Variants in KDM4C observed in about 807,000 individuals in gnomAD.
KDM4C encodes lysine-specific demethylase 4C.
In KDM4C, 81 loss-of-function variants were observed where a neutral mutation model predicts 129.3. The ratio of observed to expected loss-of-function variants is 0.63; its 90% CI spans 0.52 to 0.75. The LOEUF (loss-of-function observed/expected upper bound fraction) is 0.75, where lower values mean the gene tolerates loss of function less well. KDM4C is among the 30% of genes least tolerant of loss of function. KDM4C has a pLI of 0.00. For synonymous variants in KDM4C, 573 were observed against 456.1 expected (o/e 1.26, Z -3.26); for missense variants, 1,457 against 1,304.0 (o/e 1.12, Z -1.81).
intron 17 of KDM4C, among the ~76,000 whole-genome samples, chr9:7,089,974 T>C (rs138103599): frequency 3.3e-5 from 5 of 152,218 alleles, no homozygotes; most frequent in African/African-American, 9.7e-5. Flanking sequence ...TGCCTGCCCA[T>C]GCCAGTGCAT....
intron 4 of KDM4C, among the ~76,000 whole-genome samples, chr9:6,827,770 G>C (rs957880253): frequency 6.6e-6 from 1 of 152,252 alleles, no homozygotes; most frequent in African/African-American, 2.4e-5. Context: ...GACGCAGAGA[G>C]AGAGCTATTG....
At chr9:7,014,112 T>A in intron 14 of KDM4C, 111 bp downstream of exon 14, 3 of 771,044 alleles carry the variant, frequency 3.9e-6, no homozygotes, top group Non-Finnish European at 6.4e-6. Flanking sequence ...TTGGCATTCT[T>A]AATGGTTATA....
At chr9:6,728,817 G>A (rs1279348855) in intron 1 of KDM4C, among the ~76,000 whole-genome samples, 6 of 152,030 alleles carry the variant, frequency 3.9e-5, no homozygotes, top group Admixed American at 6.6e-5. Flanking sequence ...CCACACTCCA[G>A]CCTAGGTGAC....
rs1327010598 is a variant in KDM4C, at chr9:6,939,983, T to TTCCTTCCTTCCC, written c.922-40931_922-40930insCTCCTTCCTTCC. 7.1e-4 allele frequency among the ~76,000 whole-genome samples: 69 copies of TTCCTTCCTTCCC among 96,656 alleles called. No homozygotes were observed. The East Asian group carries it at 0.018, about 26-fold the overall frequency. 63.4% of individuals were successfully genotyped at this position (96,656 alleles called of 152,430 possible). A position where few individuals can be genotyped will look rare whatever the true frequency, so the allele number is the denominator to read the frequency against. ...CAACCTACCTACCTACCTACCTTCCTTCCTTCCTTCCTTCCTTCCTTCCTT... is the reference window on the plus strand; with the variant it reads ...CAACCTACCTACCTACCTACCTTCCTTCCTTCCTTCCCTCCTTCCTTCCTTCCTTCCTTCCTT... On this transcript the variant is annotated intron_variant, in intron 8 of 21. Coordinates refer to ENST00000381309, the MANE Select transcript of KDM4C (RefSeq NM_015061.6).
At chr9:7,061,181 C>T (rs190217986) in intron 17 of KDM4C, among the ~76,000 whole-genome samples, 2 of 152,116 alleles carry the variant, frequency 1.3e-5, no homozygotes, top group African/African-American at 4.8e-5. Flanking sequence ...CAGTAGTGTT[C>T]CATGTATTTT....
intron 1 of KDM4C, among the ~76,000 whole-genome samples, chr9:6,768,032 T>C (rs1820983436): frequency 6.6e-6 from 1 of 152,120 alleles, no homozygotes; most frequent in South Asian, 2.1e-4. Flanking sequence ...TATTAAAGGG[T>C]AAAATGTGTA....
chr9:7,079,289 A>G (rs114051108), intron 17 of KDM4C, among the ~76,000 whole-genome samples: 3 of 152,336 alleles, frequency 2.0e-5, no homozygotes, highest in African/African-American at 7.2e-5. Flanking sequence ...GAATAGCCCC[A>G]TTATATACAT....
chr9:6,836,142 T>C (rs1835830426), intron 4 of KDM4C, among the ~76,000 whole-genome samples: 1 of 152,040 alleles, frequency 6.6e-6, no homozygotes, highest in Non-Finnish European at 1.5e-5. Context: ...TGAGACCAGT[T>C]GAATAAAAGT....
At chr9:6,842,546 C>G (rs1837150821) in intron 4 of KDM4C, among the ~76,000 whole-genome samples, 1 of 151,892 alleles carries the variant, frequency 6.6e-6, no homozygotes, top group African/African-American at 2.4e-5. Flanking sequence ...ACCATGTTGA[C>G]CAGGGTAGTC....
chr9:7,006,387 G>T (rs764877137), intron 12 of KDM4C, among the ~76,000 whole-genome samples: 1 of 152,146 alleles, frequency 6.6e-6, no homozygotes, highest in Non-Finnish European at 1.5e-5. Flanking sequence ...TTGAGCATCA[G>T]AGGTGATACT....
At chr9:6,897,493 A>G (rs1253446310) in intron 8 of KDM4C, among the ~76,000 whole-genome samples, 1 of 152,202 alleles carries the variant, frequency 6.6e-6, no homozygotes, top group African/African-American at 2.4e-5. Flanking sequence ...AGCAGGAACA[A>G]CTGACCTAAG....
chr9:6,940,067 TTCTC>T (rs76741754), intron 8 of KDM4C, among the ~76,000 whole-genome samples: 30,937 of 136,892 alleles, frequency 0.23, 4,360 homozygotes, highest in South Asian at 0.36. Flanking sequence ...CCTTCCCTCC[TTCTC>T]TCTCTCTCTT....
intron 17 of KDM4C, among the ~76,000 whole-genome samples, chr9:7,059,480 G>C (rs1215985530): frequency 6.6e-6 from 1 of 152,174 alleles, no homozygotes; most frequent in Non-Finnish European, 1.5e-5. Context: ...ACAAATGCCT[G>C]ATAGACTAGT....
intron 8 of KDM4C, among the ~76,000 whole-genome samples, chr9:6,962,928 T>C (rs908396629): frequency 4.6e-5 from 7 of 152,214 alleles, no homozygotes; most frequent in Admixed American, 2.6e-4. Flanking sequence ...CTCAGACCTA[T>C]AAATATTTTA....
intron 17 of KDM4C, among the ~76,000 whole-genome samples, chr9:7,063,368 A>T (rs1344300297): frequency 1.3e-5 from 2 of 152,224 alleles, no homozygotes; most frequent in African/African-American, 2.4e-5. Context: ...CCCCATAAGA[A>T]CAAAGAGGTA....
chr9:6,769,418 C>T (rs186019257), intron 1 of KDM4C, among the ~76,000 whole-genome samples: 107 of 151,934 alleles, frequency 7.0e-4, no homozygotes, highest in African/African-American at 2.4e-3. Flanking sequence ...GATCTGGGTC[C>T]GGGATACAAA....
rs184546579 is a variant in KDM4C, at chr9:6,758,744, T to A, written c.-18+541T>A. Among the ~76,000 whole-genome samples, 1 of 152,336 alleles carries A rather than the reference T, an allele frequency of 6.6e-6. No homozygotes were observed. The highest frequency in any genetic ancestry group is 6.5e-5 in the Admixed American group (1 of 15,310). On this transcript the variant is annotated intron_variant, in intron 1 of 21. Coordinates refer to ENST00000381309, the MANE Select transcript of KDM4C (RefSeq NM_015061.6). This position sits in a 1 kb window ranked among gnomAD's most constrained non-coding sequence, Gnocchi z 4.6. ...CTTTTGGTGTTTCTTTCCCCCGGCA[T>A]GGGGCCATTTCTTCCTGCAGTGCCT...
intron 11 of KDM4C, among the ~76,000 whole-genome samples, chr9:6,987,539 C>T (rs1817944384): frequency 6.6e-6 from 1 of 152,132 alleles, no homozygotes; most frequent in Admixed American, 6.5e-5. Context: ...ATTGTTTGAG[C>T]TGATAGGTTG....
At position 6,990,480 on chromosome 9, in the gene KDM4C, G is replaced by T; in HGVS notation, c.1742G>T (p.Arg581Ile). ...CATCCACTTAGCAGGCCTCCAGCAA[G>T]ATCTCCGATGACTCTTGTGAAGCAG... ...WRHPLSRPPA[R>I]SPMTLVKQQA... Residue 581 changes from arginine (R) to isoleucine (I), a missense_variant, in exon 12 of 22, where the codon AGA becomes ATA. Arg to Ile is a moderately conservative substitution (Grantham distance 97). Coordinates refer to ENST00000381309, the MANE Select transcript of KDM4C (RefSeq NM_015061.6). The T allele has an allele frequency of 6.2e-7, 1 of 1,612,680 alleles. No homozygotes were observed. Among genetic ancestry groups the T allele is most frequent in the Middle Eastern group, 1.7e-4 (1 of 6,058 alleles).
Sources: allele counts gnomAD v4.1 joint callset (sites outside exome capture counted in the v4.1 genomes callset), GRCh38; gene constraint gnomAD v4.1.1; non-coding constraint Gnocchi (gnomAD v3.1); transcripts MANE v1.5; gene names NCBI Gene and HGNC (gene_info 2026-07-23, HGNC 2026-07-21).